The following SPAG16 variants were observed in gnomAD, a reference collection of about 807,000 sequenced individuals.
SPAG16 encodes the protein sperm associated antigen 16.
Under a neutral mutation model 80.4 loss-of-function variants are expected in SPAG16, and 86 were observed. The ratio of observed to expected loss-of-function variants is 1.07; its 90% confidence interval spans 0.90 to 1.28. SPAG16 has a LOEUF of 1.28. Ranked by LOEUF, SPAG16 falls within the 50% of genes most tolerant of loss-of-function variation. The pLI, the probability that SPAG16 is intolerant of heterozygous loss-of-function variation, is 0.00. For synonymous variants in SPAG16, 294 were observed against 265.9 expected (o/e 1.11, Z -1.03); for missense variants, 870 against 765.3 (o/e 1.14, Z -1.61).
intron 10 of SPAG16, among the ~76,000 whole-genome samples, chr2:213,763,083 T>G (rs2068747587): frequency 6.6e-6 from 1 of 152,110 alleles, no homozygotes; most frequent in Non-Finnish European, 1.5e-5. Context: ...CCACAAAATA[T>G]ATCACCTCAC....
At chr2:213,573,559 T>A (rs552700184) in intron 10 of SPAG16, among the ~76,000 whole-genome samples, 2 of 152,344 alleles carry the variant, frequency 1.3e-5, no homozygotes, top group East Asian at 3.9e-4. Flanking sequence ...ATTAATTTTC[T>A]GCAGTATAGA....
At chr2:213,981,477 A>T (rs1163776805) in intron 12 of SPAG16, among the ~76,000 whole-genome samples, 4 of 152,078 alleles carry the variant, frequency 2.6e-5, no homozygotes, top group African/African-American at 9.7e-5. Context: ...TAAGTTACTG[A>T]TTATAATATG....
At chr2:214,024,148 A>G (rs1055157758) in intron 13 of SPAG16, among the ~76,000 whole-genome samples, 4 of 151,650 alleles carry the variant, frequency 2.6e-5, no homozygotes, top group Admixed American at 6.6e-5. Flanking sequence ...ACCATGTTGT[A>G]CTGTTTTTTT....
chr2:213,490,100 T>C lies in SPAG16; in HGVS notation c.1070+10T>C. On this transcript the variant is annotated intron_variant, in intron 10 of 15. Transcript: ENST00000331683. ...AACTTCCAGTGAGCTGGTAGGATTT[T>C]TGATGTTTTATTAATACTTTTGAGA... The C allele has an allele frequency of 6.4e-7, 1 of 1,569,528 alleles. No homozygotes were observed. Among genetic ancestry groups the C allele is most frequent in the Non-Finnish European group, 8.6e-7 (1 of 1,163,328 alleles).
chr2:214,039,674 C>A (rs929043135), intron 13 of SPAG16, among the ~76,000 whole-genome samples: 2 of 152,186 alleles, frequency 1.3e-5, no homozygotes, highest in Non-Finnish European at 2.9e-5. Context: ...CTTGACTGAC[C>A]ACTTAACTGG....
chr2:213,328,082 A>T (rs183939411), intron 5 of SPAG16, among the ~76,000 whole-genome samples: 1 of 152,130 alleles, frequency 6.6e-6, no homozygotes, highest in Admixed American at 6.5e-5. Context: ...ATTGAATATG[A>T]TATTATTATC....
chr2:214,379,450 C>T (rs908837146), intron 15 of SPAG16, among the ~76,000 whole-genome samples: 3 of 152,156 alleles, frequency 2.0e-5, no homozygotes, highest in Admixed American at 6.5e-5. Flanking sequence ...CTTTTGTATT[C>T]CTTGGAGTCA....
intron 15 of SPAG16, among the ~76,000 whole-genome samples, chr2:214,250,757 T>TATATATAGAGAGAGAG (rs1475343777): frequency 3.3e-5 from 3 of 91,286 alleles, no homozygotes; most frequent in African/African-American, 1.2e-4. Context: ...TATATATATA[T>TATATATAGAGAGAGAG]AGAGAGAGAG....
At chr2:213,338,336 A>T (rs114678446) in intron 5 of SPAG16, among the ~76,000 whole-genome samples, 2,388 of 152,344 alleles carry the variant, frequency 0.016, 34 homozygotes, top group African/African-American at 0.034. Flanking sequence ...AGCTAGCATC[A>T]TAGTGACAGG....
chr2:213,745,128 C>T (rs1257113225), intron 10 of SPAG16, among the ~76,000 whole-genome samples: 1 of 152,082 alleles, frequency 6.6e-6, no homozygotes, highest in African/African-American at 2.4e-5. Flanking sequence ...AAAAGTTAAC[C>T]AGTTATACAA....
intron 15 of SPAG16, among the ~76,000 whole-genome samples, chr2:214,402,447 A>C (rs1398296536): frequency 6.6e-6 from 1 of 152,034 alleles, no homozygotes; most frequent in African/African-American, 2.4e-5. Context: ...TTCTTAAATT[A>C]AGTTGAGATC....
intron 7 of SPAG16, among the ~76,000 whole-genome samples, chr2:213,358,450 T>C (rs374015036): frequency 6.0e-4 from 91 of 152,348 alleles, no homozygotes; most frequent in African/African-American, 2.1e-3. Context: ...GAGGCTTTGT[T>C]CATTTCTTTT....
At chr2:213,665,816 A>G (rs1026290133) in intron 10 of SPAG16, among the ~76,000 whole-genome samples, 6 of 152,170 alleles carry the variant, frequency 3.9e-5, no homozygotes, top group African/African-American at 1.4e-4. Flanking sequence ...GTACATCACA[A>G]TCTTCTCGAG....
intron 5 of SPAG16, among the ~76,000 whole-genome samples, chr2:213,327,482 A>G (rs1437829217): frequency 6.6e-6 from 1 of 152,098 alleles, no homozygotes; most frequent in East Asian, 1.9e-4. Context: ...GACGAGCACA[A>G]ATAGGCTTCT....
rs114165339 is a variant in SPAG16 at position 213,820,966 on chromosome 2, A to G, written c.1071-41519A>G. Reference sequence around the variant, plus strand: ...AAATGCTCCAAAAATATAAACAACTATAAGAAATTCCTTTCTGAAATTCTC... The same window carrying G: ...AAATGCTCCAAAAATATAAACAACTGTAAGAAATTCCTTTCTGAAATTCTC... On this transcript the variant is annotated intron_variant, in intron 10 of 15. Transcript: ENST00000331683. Among the ~76,000 whole-genome samples, 1,358 of 152,234 alleles carry G rather than the reference A, an allele frequency of 8.9e-3. 25 individuals carry two copies. Among genetic ancestry groups the G allele is most frequent in the African/African-American group, 0.03 (1,235 of 41,574 alleles).
chr2:214,075,626 T>G (rs1559762325), intron 13 of SPAG16, among the ~76,000 whole-genome samples: 1 of 152,140 alleles, frequency 6.6e-6, no homozygotes, highest in African/African-American at 2.4e-5. Flanking sequence ...GAAGAAAAAC[T>G]TCATATCCTC....
At chr2:214,351,690 G>A (rs1168311383) in intron 15 of SPAG16, among the ~76,000 whole-genome samples, 1 of 149,306 alleles carries the variant, frequency 6.7e-6, no homozygotes, top group Admixed American at 6.7e-5. Context: ...GTGACAGAGC[G>A]AGACTCCGTC....
intron 5 of SPAG16, among the ~76,000 whole-genome samples, chr2:213,328,315 TATTC>T (rs1484737355): frequency 6.6e-6 from 1 of 152,126 alleles, no homozygotes; most frequent in Non-Finnish European, 1.5e-5. Flanking sequence ...TCTAAGATCT[TATTC>T]ATTATTCTTT....
chr2:213,784,815 C>A (rs2125591479), intron 10 of SPAG16, among the ~76,000 whole-genome samples: 1 of 151,736 alleles, frequency 6.6e-6, no homozygotes, highest in Middle Eastern at 3.4e-3. Flanking sequence ...TTTTTTGTAG[C>A]TAATGTCCCT....
Sources: allele counts gnomAD v4.1 joint callset (sites outside exome capture counted in the v4.1 genomes callset), GRCh38; gene constraint gnomAD v4.1.1; transcripts MANE v1.5; gene names NCBI Gene and HGNC (gene_info 2026-07-23, HGNC 2026-07-21).